TRIM24: variants seen among roughly 807,000 people sequenced by gnomAD.
TRIM24 encodes the protein tripartite motif containing 24.
TRIM24 carries 29 observed loss-of-function variants against 123.9 expected under a neutral mutation model. The observed-to-expected ratio is 0.23, with a 90% CI of 0.17 to 0.32. The LOEUF (loss-of-function observed/expected upper bound fraction) is 0.32, where lower values mean the gene tolerates loss of function less well. Among genes scored for constraint, TRIM24 ranks in the 10% least tolerant of loss-of-function variants. TRIM24 has a pLI of 1.00. For missense variants in TRIM24, 932 were observed against 1,295.3 expected, an observed-to-expected ratio of 0.72 and a Z score of 4.31; for synonymous variants, 456 against 461.1, an observed-to-expected ratio of 0.99 and a Z score of 0.14.
At chr7:138,582,918 C>CTT (rs1797933042) in intron 17 of TRIM24, among the ~76,000 whole-genome samples, 1 of 152,182 alleles carries the variant, frequency 6.6e-6, no homozygotes. Flanking sequence ...AGTCGAGAGG[C>CTT]TTGTAACAAC....
chr7:138,569,707 GA>G (rs1385314167), intron 10 of TRIM24, among the ~76,000 whole-genome samples: 3 of 152,106 alleles, frequency 2.0e-5, no homozygotes, highest in African/African-American at 7.2e-5. Context: ...TTCTACAATG[GA>G]ATATATAAAT....
At position 138,460,932 on chromosome 7, in the gene TRIM24, G is replaced by T. The variant is rs1160470015; in HGVS notation, c.364+20G>T. The T allele has an allele frequency of 1.4e-6, 2 of 1,418,666 alleles. No individual in the cohort carries two copies. The highest frequency in any genetic ancestry group is 3.1e-5 in the Admixed American group (1 of 31,770). The allele number at this position is 1,418,666 out of a possible 1,614,324, so 87.9% of individuals were successfully genotyped here. A position where few individuals can be genotyped will look rare whatever the true frequency, so the allele number is the denominator to read the frequency against. ...CCCAAGGTGAGAACCGGCCGCGGCCGCTGGGGAGCCCGGGGAGAGGGCCAG... is the reference window on the plus strand; with the variant it reads ...CCCAAGGTGAGAACCGGCCGCGGCCTCTGGGGAGCCCGGGGAGAGGGCCAG... On this transcript the variant is annotated intron_variant, in intron 1 of 18. Coordinates refer to ENST00000343526, the MANE Select transcript of TRIM24 (RefSeq NM_015905.3).
chr7:138,582,325 G>A (rs1041253641), intron 17 of TRIM24, among the ~76,000 whole-genome samples: 3 of 152,074 alleles, frequency 2.0e-5, no homozygotes, highest in Non-Finnish European at 4.4e-5. Flanking sequence ...GGCGGATCAC[G>A]AGGTCAGGAG....
intron 8 of TRIM24, among the ~76,000 whole-genome samples, chr7:138,553,399 C>T (rs1454892437): frequency 6.6e-6 from 1 of 152,146 alleles, no homozygotes; most frequent in African/African-American, 2.4e-5. Flanking sequence ...GTTATTGTTT[C>T]TTCTAAACAT....
intron 4 of TRIM24, among the ~76,000 whole-genome samples, chr7:138,523,516 G>T (rs760495705): frequency 1.3e-5 from 2 of 152,186 alleles, no homozygotes; most frequent in Non-Finnish European, 2.9e-5. Flanking sequence ...AGCACCTGGG[G>T]AGGCCGAGGC....
intron 1 of TRIM24, chr7:138,490,740 A>G: frequency 2.1e-6 from 1 of 487,246 alleles, no homozygotes; most frequent in South Asian, 1.5e-5. Context: ...TCTACTGAAA[A>G]CATCATGGAG....
chr7:138,516,813 GT>G (rs77546595), intron 3 of TRIM24, among the ~76,000 whole-genome samples: 35,454 of 132,192 alleles, frequency 0.27, 4,404 homozygotes, highest in East Asian at 0.48. Context: ...AAACCGTTTT[GT>G]TTTTTTTTTT....
chr7:138,533,581 A>G (rs1186334556), intron 6 of TRIM24, among the ~76,000 whole-genome samples: 1 of 152,088 alleles, frequency 6.6e-6, no homozygotes, highest in Admixed American at 6.6e-5. Flanking sequence ...GATCATGGTG[A>G]ATAAGCTTTT....
chr7:138,557,093 G>A (rs1045670582), intron 9 of TRIM24, among the ~76,000 whole-genome samples: 5 of 152,180 alleles, frequency 3.3e-5, no homozygotes, highest in Non-Finnish European at 7.3e-5. Flanking sequence ...AGGGGCATGA[G>A]GAGATAGTAA....
intron 1 of TRIM24, among the ~76,000 whole-genome samples, chr7:138,487,987 T>C (rs908392608): frequency 2.0e-5 from 3 of 152,168 alleles, no homozygotes; most frequent in African/African-American, 7.2e-5. Context: ...CTTTTTTTCG[T>C]TGGTAGGCTC....
chr7:138,530,017 C>A (rs1331044707), intron 6 of TRIM24, among the ~76,000 whole-genome samples: 1 of 152,072 alleles, frequency 6.6e-6, no homozygotes, highest in Non-Finnish European at 1.5e-5. Flanking sequence ...CTTTTTATAT[C>A]ATAATTTACC....
intron 13 of TRIM24, 88 bp from the exon 14 acceptor site, chr7:138,577,332 A>G (rs1797781185): frequency 9.5e-7 from 1 of 1,053,542 alleles, no homozygotes; most frequent in African/African-American, 1.6e-5. Context: ...GTGAAGATAC[A>G]GTATTTTAGA....
rs1288990613 is a variant in TRIM24, at chr7:138,579,280, T to C, written c.2333T>C (p.Leu778Pro). The change falls in exon 15 of 19, where the codon CTA becomes CCA. Residue 778 changes from leucine (L) to proline (P), a missense_variant. This residue lies in a region of TRIM24 where 527 missense variants were observed against 691.3 expected (regional missense o/e 0.76). Coordinates refer to ENST00000343526, the MANE Select transcript of TRIM24 (RefSeq NM_015905.3). ...SQSSTSEETV[L>P]RSDAPDSTGD... ...AGCTCTACTTCTGAGGAGACTGTGCTAAGATCAGATGCCCCTGATAGTACA... is the reference window on the plus strand; with the variant it reads ...AGCTCTACTTCTGAGGAGACTGTGCCAAGATCAGATGCCCCTGATAGTACA... The C allele has an allele frequency of 1.2e-6, 2 of 1,614,210 alleles. No homozygotes were observed. Among genetic ancestry groups the C allele is most frequent in the South Asian group, 2.2e-5 (2 of 91,086 alleles).
At position 138,493,564 on chromosome 7, in the gene TRIM24, G is replaced by A. The variant is rs145135718; in HGVS notation, c.365-10726G>A. 7.3e-3 allele frequency among the ~76,000 whole-genome samples: 1,119 copies of A among 152,252 alleles called. 12 individuals carry two copies. Among genetic ancestry groups the A allele is most frequent in the South Asian group, 0.042 (203 of 4,820 alleles). On this transcript the variant is annotated intron_variant, in intron 1 of 18. Transcript: ENST00000343526. The stretch of plus-strand genomic sequence containing the variant: ...TGTCTGGATTTTTTAAAAATAGTGT[G>A]TAATCCTTTTTAAGTGTTCTGATAG...
chr7:138,573,878 T>C (rs1238882907), intron 12 of TRIM24, among the ~76,000 whole-genome samples: 1 of 152,228 alleles, frequency 6.6e-6, no homozygotes, highest in Non-Finnish European at 1.5e-5. Flanking sequence ...CATAGCTCAC[T>C]GCAGACTCAC....
rs577168876 is a variant in TRIM24, at chr7:138,533,822, T to C, written c.996+4592T>C. 3.3e-5 allele frequency among the ~76,000 whole-genome samples: 5 copies of C among 152,326 alleles called. No individual in the cohort carries two copies. The South Asian group carries it at 1.0e-3, about 32-fold the overall frequency. On this transcript the variant is annotated intron_variant, in intron 6 of 18. Coordinates refer to ENST00000343526, the MANE Select transcript of TRIM24 (RefSeq NM_015905.3). ...CTCCTCCTTGTACCTCTGGTAGAAT[T>C]TGGCTGAGAATCCATCTGGTCCTAG... is the stretch of plus-strand genomic sequence containing the variant.
intron 7 of TRIM24, among the ~76,000 whole-genome samples, chr7:138,540,373 G>C (rs1230411956): frequency 1.3e-5 from 2 of 152,136 alleles, no homozygotes; most frequent in African/African-American, 4.8e-5. Flanking sequence ...AAAGCCAGTA[G>C]CTGCGGTATC....
Position 138,554,937 on chromosome 7 carries a change from C to A in TRIM24, c.1501C>A (p.Pro501Thr). ...VGLPNPRMQG[P>T]IQQPSISHQQ... ...TTTACCAAACCCTAGAATGCAGGGG[C>A]CCATCCAGCAACCTTCCATCTCTCA... Residue 501 changes from proline (P) to threonine (T), a missense_variant, in exon 9 of 19, where the codon CCC becomes ACC. Pro to Thr is a conservative substitution (Grantham distance 38). Coordinates refer to ENST00000343526, the MANE Select transcript of TRIM24 (RefSeq NM_015905.3). This position sits in a 1 kb window ranked among gnomAD's most constrained non-coding sequence, Gnocchi z 4.5. 1 of 1,614,070 alleles carries A rather than the reference C, an allele frequency of 6.2e-7. No individual in the cohort carries two copies. The highest frequency in any genetic ancestry group is 1.1e-5 in the South Asian group (1 of 91,080).
chr7:138,462,338 C>CTTTTTTTT, intron 1 of TRIM24, among the ~76,000 whole-genome samples: 1 of 124,414 alleles, frequency 8.0e-6, no homozygotes, highest in East Asian at 2.3e-4. Flanking sequence ...GTGCAAAAAT[C>CTTTTTTTT]TTTTTTTTTT....
Sources: allele counts gnomAD v4.1 joint callset (sites outside exome capture counted in the v4.1 genomes callset), GRCh38; gene constraint gnomAD v4.1.1; regional missense constraint gnomAD v4.1.1; non-coding constraint Gnocchi (gnomAD v3.1); transcripts MANE v1.5; gene names NCBI Gene and HGNC (gene_info 2026-07-23, HGNC 2026-07-21).